Variants in RGS6 observed in about 807,000 individuals in gnomAD.
RGS6 encodes regulator of G-protein signaling 6.
A neutral mutation model predicts 78.5 loss-of-function variants in RGS6; 30 were observed. The observed-to-expected ratio is 0.38, with a 90% CI of 0.29 to 0.52. The LOEUF is 0.52. RGS6 is among the 20% of genes least tolerant of loss of function. RGS6 has a pLI of 0.85. For missense variants in RGS6, 495 were observed against 609.7 expected (o/e 0.81, Z 1.98); for synonymous variants, 206 against 206.0 (o/e 1.00, Z 0.00).
At chr14:72,258,568 A>G (rs994632648) in intron 2 of RGS6, among the ~76,000 whole-genome samples, 1 of 152,136 alleles carries the variant, frequency 6.6e-6, no homozygotes, top group Admixed American at 6.5e-5. Context: ...ATGAGACTGT[A>G]TTGTTTGTTT....
chr14:71,972,447 A>G (rs758432375), intron 2 of RGS6, among the ~76,000 whole-genome samples: 5 of 152,142 alleles, frequency 3.3e-5, no homozygotes, highest in Admixed American at 2.6e-4. Flanking sequence ...CTGTTTACCA[A>G]TAAGACCCTA....
At chr14:72,360,929 C>T (rs1162429699) in intron 3 of RGS6, among the ~76,000 whole-genome samples, 8 of 152,200 alleles carry the variant, frequency 5.3e-5, no homozygotes, top group African/African-American at 1.9e-4. Context: ...CAAGCTCTCA[C>T]GAGGTCTGAT....
chr14:72,387,921 C>G (rs2088761273), intron 3 of RGS6, among the ~76,000 whole-genome samples: 1 of 152,210 alleles, frequency 6.6e-6, no homozygotes, highest in South Asian at 2.1e-4. Context: ...GTCTCCACAT[C>G]CTCTTCCTTC....
chr14:72,269,712 C>A (rs2059645330), intron 2 of RGS6, among the ~76,000 whole-genome samples: 1 of 151,654 alleles, frequency 6.6e-6, no homozygotes. Flanking sequence ...CTACAGGCAC[C>A]CACCACCATG....
intron 15 of RGS6, among the ~76,000 whole-genome samples, chr14:72,520,365 A>G (rs1053705124): frequency 3.3e-5 from 5 of 152,174 alleles, no homozygotes; most frequent in African/African-American, 1.2e-4. Context: ...GTTTTATAAG[A>G]TATTTAATCA....
rs118113727 is a variant in RGS6, at chr14:72,132,894, C to T, written c.84+168019C>T. ...TTAGTATCTTTGGCAATGTTTTGTT[C>T]GTAGGGAAGATTCAGTAAAAGGACA... On this transcript the variant is annotated intron_variant, in intron 2 of 17. Transcript: ENST00000553525. Among the ~76,000 whole-genome samples, 128 of 149,754 alleles carry T rather than the reference C, an allele frequency of 8.5e-4. 1 individual carries two copies. The East Asian group carries it at 0.012, about 14-fold the overall frequency.
chr14:71,880,772 G>A, the RGS6 span, among the ~76,000 whole-genome samples: 2 of 152,258 alleles, frequency 1.3e-5, no homozygotes, highest in African/African-American at 4.8e-5. Context: ...CTAGGGCTGT[G>A]TGGAAGGGAA....
At chr14:72,263,247 T>A (rs1191769909) in intron 2 of RGS6, among the ~76,000 whole-genome samples, 1 of 152,196 alleles carries the variant, frequency 6.6e-6, no homozygotes, top group Non-Finnish European at 1.5e-5. Flanking sequence ...CCAGAGAAGG[T>A]CCAAATTAGT....
chr14:72,058,106 TGTAA>T, intron 2 of RGS6, among the ~76,000 whole-genome samples: 1 of 151,034 alleles, frequency 6.6e-6, no homozygotes, highest in South Asian at 2.1e-4. Flanking sequence ...TCTTCTTCCA[TGTAA>T]GTATTTCCAG....
rs116522787 is a variant in RGS6 at position 72,000,926 on chromosome 14, C to T, written c.84+36051C>T. Among the ~76,000 whole-genome samples the T allele has an allele frequency of 8.4e-3, 1,274 of 152,292 alleles. 19 individuals carry two copies. Among genetic ancestry groups the T allele is most frequent in the African/African-American group, 0.029 (1,211 of 41,556 alleles). ...CTTGTTTTAAAGTGGATTAATTCTT[C>T]AGTGCCAGAAGACCACAAAGAACTT... On this transcript the variant is annotated intron_variant, in intron 2 of 17. Coordinates refer to ENST00000553525, the MANE Select transcript of RGS6 (RefSeq NM_001204424.2).
intron 2 of RGS6, among the ~76,000 whole-genome samples, chr14:71,976,120 C>T (rs2094111034): frequency 6.6e-6 from 1 of 151,458 alleles, no homozygotes; most frequent in Non-Finnish European, 1.5e-5. Flanking sequence ...TCATTTAATT[C>T]CTAAACTTAT....
the RGS6 span, among the ~76,000 whole-genome samples, chr14:71,886,171 G>A: frequency 6.6e-6 from 1 of 152,204 alleles, no homozygotes; most frequent in East Asian, 1.9e-4. Context: ...GTTGAGGCCT[G>A]TTGATATGAT....
At chr14:72,357,879 C>T (rs2080662594) in intron 3 of RGS6, among the ~76,000 whole-genome samples, 1 of 152,152 alleles carries the variant, frequency 6.6e-6, no homozygotes, top group Admixed American at 6.5e-5. Context: ...TGTCACAGAC[C>T]TTCAAGGCAG....
intron 2 of RGS6, among the ~76,000 whole-genome samples, chr14:72,343,591 T>C (rs1486023693): frequency 6.6e-6 from 1 of 152,110 alleles, no homozygotes; most frequent in East Asian, 1.9e-4. Context: ...TTTTCTGCCT[T>C]CTATAGTGTG....
At chr14:72,528,964 T>C (rs945029228) in intron 15 of RGS6, among the ~76,000 whole-genome samples, 4 of 152,222 alleles carry the variant, frequency 2.6e-5, no homozygotes, top group Non-Finnish European at 5.9e-5. Flanking sequence ...GATAAACTCA[T>C]TGCATTTGGG....
intron 13 of RGS6, among the ~76,000 whole-genome samples, chr14:72,496,545 G>A (rs911516184): frequency 1.3e-5 from 2 of 152,134 alleles, no homozygotes; most frequent in Non-Finnish European, 2.9e-5. Flanking sequence ...GTGCCCAATA[G>A]GTGCATATTG....
chr14:72,057,495 C>G (rs1241252191), intron 2 of RGS6, among the ~76,000 whole-genome samples: 1 of 151,940 alleles, frequency 6.6e-6, no homozygotes, highest in Non-Finnish European at 1.5e-5. Context: ...GTATTTGCTC[C>G]AGGAGAGCCA....
chr14:71,901,611 G>A, the RGS6 span, among the ~76,000 whole-genome samples: 1 of 152,070 alleles, frequency 6.6e-6, no homozygotes, highest in Non-Finnish European at 1.5e-5. Context: ...CAAATGAATG[G>A]CTCCCCGTTG....
chr14:71,968,151 G>A (rs1263715108), intron 2 of RGS6, among the ~76,000 whole-genome samples: 1 of 152,108 alleles, frequency 6.6e-6, no homozygotes, highest in Non-Finnish European at 1.5e-5. Context: ...GTATCCTTAG[G>A]ATCCTGAGTT....
Sources: allele counts gnomAD v4.1 joint callset (sites outside exome capture counted in the v4.1 genomes callset), GRCh38; gene constraint gnomAD v4.1.1; transcripts MANE v1.5; gene names NCBI Gene and HGNC (gene_info 2026-07-23, HGNC 2026-07-21).